GALNT13: variants seen among roughly 807,000 people sequenced by gnomAD.
GALNT13 encodes the protein polypeptide N-acetylgalactosaminyltransferase 13.
In GALNT13, 28 loss-of-function variants were observed where a neutral mutation model predicts 64.2. The ratio of observed to expected loss-of-function variants is 0.44; its 90% CI spans 0.32 to 0.60. The LOEUF (loss-of-function observed/expected upper bound fraction) is 0.60. Ranked by LOEUF, GALNT13 falls within the 20% of genes least tolerant of loss-of-function variation. The pLI is 0.05. For missense variants in GALNT13, 577 were observed against 669.8 expected (o/e 0.86, Z 1.53); for synonymous variants, 214 against 224.6 (o/e 0.95, Z 0.42).
intron 8 of GALNT13, among the ~76,000 whole-genome samples, chr2:154,288,602 A>T (rs1418373705): frequency 6.6e-6 from 1 of 152,196 alleles, no homozygotes; most frequent in Non-Finnish European, 1.5e-5. Flanking sequence ...CGGCTGTTCC[A>T]AATAGGAGAA....
the GALNT13 span, among the ~76,000 whole-genome samples, chr2:153,823,424 C>T: frequency 9.9e-5 from 15 of 152,164 alleles, no homozygotes; most frequent in East Asian, 1.4e-3. Flanking sequence ...ACAAAACAGA[C>T]GCATAGACCA....
intron 11 of GALNT13, among the ~76,000 whole-genome samples, chr2:154,430,359 G>A (rs930822430): frequency 6.6e-6 from 1 of 152,160 alleles, no homozygotes; most frequent in Admixed American, 6.6e-5. Context: ...TGACTTTGAG[G>A]GGTTCAAGAC....
At chr2:153,636,840 G>A in the GALNT13 span, among the ~76,000 whole-genome samples, 1 of 152,052 alleles carries the variant, frequency 6.6e-6, no homozygotes, top group Non-Finnish European at 1.5e-5. Flanking sequence ...AATCTTTGAA[G>A]GCAAGATAAA....
intron 7 of GALNT13, among the ~76,000 whole-genome samples, chr2:154,255,896 A>G (rs1216244964): frequency 6.6e-6 from 1 of 151,916 alleles, no homozygotes; most frequent in Non-Finnish European, 1.5e-5. Context: ...TACAAAAAAT[A>G]CAAAAAGATA....
intron 4 of GALNT13, among the ~76,000 whole-genome samples, chr2:154,150,723 G>A (rs1317806613): frequency 2.0e-5 from 3 of 152,214 alleles, no homozygotes; most frequent in Non-Finnish European, 2.9e-5. Context: ...GCATAGAGGT[G>A]TTTGTAGTAT....
At chr2:154,005,396 C>T (rs1397576327) in intron 3 of GALNT13, among the ~76,000 whole-genome samples, 1 of 152,100 alleles carries the variant, frequency 6.6e-6, no homozygotes, top group South Asian at 2.1e-4. Flanking sequence ...AACCTGTGCC[C>T]ACTATGATAT....
At chr2:154,145,127 C>T (rs1321816715) in intron 4 of GALNT13, among the ~76,000 whole-genome samples, 1 of 131,232 alleles carries the variant, frequency 7.6e-6, no homozygotes, top group Non-Finnish European at 1.7e-5. Context: ...TATACACACA[C>T]TAAAAATTTA....
the GALNT13 span, among the ~76,000 whole-genome samples, chr2:153,790,060 G>A: frequency 2.0e-5 from 3 of 152,072 alleles, no homozygotes; most frequent in Admixed American, 2.0e-4. Context: ...TGATGAGGAG[G>A]GACTGCTTCC....
At chr2:154,417,489 T>TTTTATTTATTTATTTATTTATTTATTTA (rs59851032) in intron 11 of GALNT13, among the ~76,000 whole-genome samples, 3 of 132,320 alleles carry the variant, frequency 2.3e-5, no homozygotes, top group Admixed American at 8.0e-5. Flanking sequence ...CTTGCCATGC[T>TTTTATTTATTTATTTATTTATTTATTTA]TTTATTTATT....
At chr2:154,339,302 C>T (rs1361197166) in intron 9 of GALNT13, among the ~76,000 whole-genome samples, 3 of 152,018 alleles carry the variant, frequency 2.0e-5, no homozygotes, top group Admixed American at 6.6e-5. Context: ...TTCAGGTTTC[C>T]CTTAGTCTTA....
At chr2:153,184,030 GGAATT>G in the GALNT13 span, among the ~76,000 whole-genome samples, 10 of 152,100 alleles carry the variant, frequency 6.6e-5, no homozygotes, top group African/African-American at 2.4e-4. Flanking sequence ...TAGTTTAATG[GGAATT>G]GAATTGAATT....
At chr2:153,579,463 G>A in the GALNT13 span, among the ~76,000 whole-genome samples, 1 of 152,010 alleles carries the variant, frequency 6.6e-6, no homozygotes. Context: ...AAATGCTGTT[G>A]TTCTGATTGT....
At chr2:154,387,381 G>C (rs1410335144) in intron 9 of GALNT13, among the ~76,000 whole-genome samples, 1 of 152,050 alleles carries the variant, frequency 6.6e-6, no homozygotes, top group Non-Finnish European at 1.5e-5. Context: ...GACACAAACA[G>C]TATGGAATAA....
At chr2:154,427,100 G>A (rs1040214548) in intron 11 of GALNT13, among the ~76,000 whole-genome samples, 3 of 152,130 alleles carry the variant, frequency 2.0e-5, no homozygotes, top group African/African-American at 7.2e-5. Flanking sequence ...TATTACTTGA[G>A]GCAAATGCTT....
At chr2:154,069,074 C>T (rs900491980) in intron 3 of GALNT13, among the ~76,000 whole-genome samples, 3 of 151,678 alleles carry the variant, frequency 2.0e-5, no homozygotes, top group African/African-American at 7.3e-5. Flanking sequence ...AAAGCAAAAA[C>T]AATGAAATTA....
chr2:153,478,802 C>T, the GALNT13 span: 2 of 456,198 alleles, frequency 4.4e-6, no homozygotes, highest in Non-Finnish European at 7.9e-6. Flanking sequence ...TCGTTCCCGG[C>T]GCTCGCTCGA....
At chr2:154,129,163 C>T (rs1217730387) in intron 3 of GALNT13, among the ~76,000 whole-genome samples, 2 of 152,076 alleles carry the variant, frequency 1.3e-5, no homozygotes, top group Admixed American at 6.5e-5. Flanking sequence ...CCTCACCATC[C>T]TAAACTACCT....
chr2:154,409,974 G>A (rs1033103531), intron 11 of GALNT13, among the ~76,000 whole-genome samples: 1 of 151,824 alleles, frequency 6.6e-6, no homozygotes, highest in African/African-American at 2.4e-5. Flanking sequence ...TTCAAACAGG[G>A]CCGGTGTTAT....
At chr2:153,771,957 C>T in the GALNT13 span, among the ~76,000 whole-genome samples, 6 of 152,098 alleles carry the variant, frequency 3.9e-5, no homozygotes, top group African/African-American at 9.7e-5. Context: ...GGGAGCAGTC[C>T]GGGGCACCCA....
Sources: gnomAD v4.1 joint callset for allele counts (sites outside exome capture counted in the v4.1 genomes callset) on GRCh38, gnomAD v4.1.1 for gene constraint, MANE v1.5 for transcripts, NCBI Gene and HGNC (gene_info 2026-07-23, HGNC 2026-07-21) for gene names.